The following SPOCK3 variants were observed in gnomAD, a reference collection of about 807,000 sequenced individuals.
The protein encoded by SPOCK3 is SPARC (osteonectin), cwcv and kazal like domains proteoglycan 3, also known as testican-3.
Under a neutral mutation model 56.6 loss-of-function variants are expected in SPOCK3, and 30 were observed. That is an observed-to-expected ratio of 0.53 (90% CI 0.40 to 0.72). The LOEUF (loss-of-function observed/expected upper bound fraction) is 0.72, where lower values mean the gene tolerates loss of function less well. Among genes scored for constraint, SPOCK3 ranks in the 30% least tolerant of loss-of-function variants. The pLI is 0.00. For missense variants in SPOCK3, 527 were observed against 530.0 expected (o/e 0.99, Z 0.06); for synonymous variants, 196 against 183.3 (o/e 1.07, Z -0.56).
chr4:166,763,682 A>G (rs1322418769), intron 7 of SPOCK3, among the ~76,000 whole-genome samples: 1 of 149,436 alleles, frequency 6.7e-6, no homozygotes, highest in African/African-American at 2.5e-5. Context: ...GTACTCTGGT[A>G]AGTTTCTTAC....
chr4:167,053,165 A>C (rs1315498389), intron 3 of SPOCK3, among the ~76,000 whole-genome samples: 1 of 152,198 alleles, frequency 6.6e-6, no homozygotes, highest in Non-Finnish European at 1.5e-5. Flanking sequence ...CAATAAATAC[A>C]ATGGATAAGT....
chr4:166,948,793 A>T (rs1742119635), intron 4 of SPOCK3, among the ~76,000 whole-genome samples: 1 of 151,718 alleles, frequency 6.6e-6, no homozygotes, highest in Non-Finnish European at 1.5e-5. Flanking sequence ...CTTCATTTCA[A>T]CTTTGGTGAA....
intron 2 of SPOCK3, among the ~76,000 whole-genome samples, chr4:167,230,703 T>C (rs1173578598): frequency 1.3e-5 from 2 of 152,102 alleles, no homozygotes; most frequent in Non-Finnish European, 2.9e-5. Flanking sequence ...TATGCTTTCC[T>C]AAGACATAGA....
chr4:166,994,215 T>C (rs750977109), intron 4 of SPOCK3, among the ~76,000 whole-genome samples: 1 of 152,172 alleles, frequency 6.6e-6, no homozygotes, highest in Admixed American at 6.6e-5. Context: ...TAGTAATAGC[T>C]AACCCTATCA....
At chr4:166,847,784 T>C (rs1748261117) in intron 6 of SPOCK3, among the ~76,000 whole-genome samples, 1 of 150,738 alleles carries the variant, frequency 6.6e-6, no homozygotes, top group Admixed American at 6.6e-5. Context: ...TTAAAAAGAC[T>C]GATTAGGCAG....
chr4:167,166,549 C>T (rs1765781242), intron 2 of SPOCK3, among the ~76,000 whole-genome samples: 1 of 152,008 alleles, frequency 6.6e-6, no homozygotes, highest in Admixed American at 6.6e-5. Context: ...TAAGAGTTTT[C>T]TGTATTTTTA....
At chr4:166,815,924 A>G (rs556700491) in intron 6 of SPOCK3, among the ~76,000 whole-genome samples, 3 of 152,240 alleles carry the variant, frequency 2.0e-5, no homozygotes, top group East Asian at 3.9e-4. Context: ...AGCTAGCTAA[A>G]TTGCATAAAA....
At chr4:166,859,142 G>A (rs1730983167) in intron 6 of SPOCK3, among the ~76,000 whole-genome samples, 1 of 152,096 alleles carries the variant, frequency 6.6e-6, no homozygotes, top group African/African-American at 2.4e-5. Flanking sequence ...TGTAGCCTAG[G>A]AGCAATAGGC....
At chr4:166,763,606 C>T (rs1358714982) in intron 7 of SPOCK3, among the ~76,000 whole-genome samples, 1 of 151,972 alleles carries the variant, frequency 6.6e-6, no homozygotes, top group African/African-American at 2.4e-5. Context: ...GAGTGTACAA[C>T]ATAGGTAGAA....
chr4:167,088,895 T>C (rs1383457447), intron 2 of SPOCK3, among the ~76,000 whole-genome samples: 4 of 152,194 alleles, frequency 2.6e-5, no homozygotes, highest in Non-Finnish European at 5.9e-5. Context: ...AAATACTTGG[T>C]TTATTTTTAG....
Position 166,734,019 on chromosome 4 carries a change from T to C in SPOCK3, c.*902A>G, listed in dbSNP as rs574887963. 6.6e-6 allele frequency: 1 copy of C among 152,330 alleles called. No homozygotes were observed. The highest frequency in any genetic ancestry group is 2.4e-5 in the African/African-American group (1 of 41,514). The allele number at this position is 152,330 out of a possible 1,614,324, so 9.4% of individuals were successfully genotyped here. A position where few individuals can be genotyped will look rare whatever the true frequency, so the allele number is the denominator to read the frequency against. On this transcript the variant is annotated 3_prime_UTR_variant, in exon 11 of 11. Transcript: ENST00000357545. Reference sequence around the variant, plus strand: ...ATAATTCTAAGATTAAATGCAAACTTTTACCTAAAATGGGAAATAAAATGA... The same window carrying C: ...ATAATTCTAAGATTAAATGCAAACTCTTACCTAAAATGGGAAATAAAATGA...
intron 7 of SPOCK3, among the ~76,000 whole-genome samples, chr4:166,789,383 C>T (rs924974355): frequency 6.6e-6 from 1 of 152,002 alleles, no homozygotes; most frequent in Non-Finnish European, 1.5e-5. Flanking sequence ...GAGCCGAGAT[C>T]ACGCCATTGC....
intron 6 of SPOCK3, among the ~76,000 whole-genome samples, chr4:166,858,164 C>T (rs1050705272): frequency 3.9e-5 from 6 of 152,152 alleles, no homozygotes. Flanking sequence ...TACTCACTGA[C>T]CATTTCAGAC....
intron 2 of SPOCK3, among the ~76,000 whole-genome samples, chr4:167,205,951 T>C (rs74958911): frequency 0.018 from 2,725 of 152,148 alleles, 76 homozygotes; most frequent in African/African-American, 0.062. Flanking sequence ...GGTTTTTATT[T>C]TGAGTTTAAA....
intron 2 of SPOCK3, among the ~76,000 whole-genome samples, chr4:167,212,488 G>A (rs1421333984): frequency 6.6e-6 from 1 of 151,976 alleles, no homozygotes; most frequent in Non-Finnish European, 1.5e-5. Context: ...TGATCCACCC[G>A]CCTCGGCCTC....
rs189115494 is a variant in SPOCK3 at position 166,748,819 on chromosome 4, T to C, written c.931+5689A>G. Among the ~76,000 whole-genome samples the C allele has an allele frequency of 4.2e-3, 570 of 136,754 alleles. 92 individuals are homozygous for C. The highest frequency in any genetic ancestry group is 6.3e-3 in the Non-Finnish European group (404 of 64,578). The allele number at this position is 136,754 out of a possible 152,430, so 89.7% of individuals were successfully genotyped here. A position where few individuals can be genotyped will look rare whatever the true frequency, so the allele number is the denominator to read the frequency against. On this transcript the variant is annotated intron_variant, in intron 8 of 10. Coordinates refer to ENST00000357545, the MANE Select transcript of SPOCK3 (RefSeq NM_001040159.2). ...AAAATCAAACAACCCCATCAAAAAGTGGGTAAAGGATATGAACAGACATTT... is the reference window on the plus strand; with the variant it reads ...AAAATCAAACAACCCCATCAAAAAGCGGGTAAAGGATATGAACAGACATTT...
intron 2 of SPOCK3, among the ~76,000 whole-genome samples, chr4:167,189,884 T>C (rs1035819415): frequency 1.4e-5 from 2 of 146,126 alleles, no homozygotes; most frequent in African/African-American, 5.2e-5. Context: ...AATATTTGTC[T>C]TTCTGAGTTT....
intron 2 of SPOCK3, among the ~76,000 whole-genome samples, chr4:167,137,363 A>G (rs1763208465): frequency 6.6e-6 from 1 of 152,058 alleles, no homozygotes; most frequent in Non-Finnish European, 1.5e-5. Flanking sequence ...TTAATCAAAT[A>G]TCATATAAAA....
Position 167,000,241 on chromosome 4 carries a change from A to G in SPOCK3, c.350+108T>C, listed in dbSNP as rs139960700. ...ACTAAGCTTCTGTAACTGTTTCAAT[A>G]AAACTCTGCATAAAAGATTAGCAGG... On this transcript the variant is annotated intron_variant, in intron 4 of 10. Transcript: ENST00000357545. 6.4e-4 allele frequency: 335 copies of G among 525,008 alleles called. 3 individuals are homozygous for G. The highest frequency in any genetic ancestry group is 5.6e-3 in the African/African-American group (285 of 50,844). 32.5% of individuals were successfully genotyped at this position (525,008 alleles called of 1,614,324 possible). A position where few individuals can be genotyped will look rare whatever the true frequency, so the allele number is the denominator to read the frequency against.
Sources: gnomAD v4.1 joint callset for allele counts (sites outside exome capture counted in the v4.1 genomes callset) on GRCh38, gnomAD v4.1.1 for gene constraint, MANE v1.5 for transcripts, NCBI Gene and HGNC (gene_info 2026-07-23, HGNC 2026-07-21) for gene names.